PCDHA2: variants seen among roughly 807,000 people sequenced by gnomAD.
PCDHA2 encodes protocadherin alpha 2, also known as protocadherin alpha-2.
In PCDHA2, 58 loss-of-function variants were observed where a neutral mutation model predicts 66.0. That is an observed-to-expected ratio of 0.88 (90% CI 0.71 to 1.09). The LOEUF (loss-of-function observed/expected upper bound fraction) is 1.09, where lower values mean the gene tolerates loss of function less well. PCDHA2 is among the 50% of genes least tolerant of loss of function. The pLI is 0.00. For missense variants in PCDHA2, 1,267 were observed against 1,242.3 expected, an observed-to-expected ratio of 1.02 and a Z score of -0.30; for synonymous variants, 634 against 554.0, an observed-to-expected ratio of 1.14 and a Z score of -2.03.
intron 3 of PCDHA2, among the ~76,000 whole-genome samples, chr5:140,985,173 G>A (rs939430246): frequency 1.3e-5 from 2 of 152,154 alleles, no homozygotes; most frequent in Admixed American, 6.5e-5. Flanking sequence ...TCCTGACCTC[G>A]TAATCCGCCT....
intron 1 of PCDHA2, among the ~76,000 whole-genome samples, chr5:140,965,785 T>C (rs1315730975): frequency 1.3e-5 from 2 of 152,222 alleles, no homozygotes; most frequent in East Asian, 3.8e-4. Context: ...GCCTACAGCT[T>C]CATGGAGACT....
intron 1 of PCDHA2, among the ~76,000 whole-genome samples, chr5:140,910,282 T>C (rs557559116): frequency 1.3e-5 from 2 of 152,300 alleles, no homozygotes; most frequent in East Asian, 1.9e-4. Context: ...AGGAACACCA[T>C]GATTAATCAA....
At chr5:140,842,599 C>T (rs1460884024) in intron 1 of PCDHA2, 3 of 1,595,874 alleles carry the variant, frequency 1.9e-6, no homozygotes, top group African/African-American at 1.3e-5. Flanking sequence ...TGGTGGTAAC[C>T]GCGCGGGACG....
At chr5:140,807,303 C>T in intron 1 of PCDHA2, 1 of 1,614,160 alleles carries the variant, frequency 6.2e-7, no homozygotes, top group Non-Finnish European at 8.5e-7. Context: ...TCCGAGGAGG[C>T]CAAACACGGC....
At chr5:140,966,259 G>C (rs1358322921) in intron 1 of PCDHA2, 1 of 340,612 alleles carries the variant, frequency 2.9e-6, no homozygotes, top group Non-Finnish European at 5.3e-6. Context: ...AGACGGTGGA[G>C]ACTGGATGAA....
intron 1 of PCDHA2, among the ~76,000 whole-genome samples, chr5:140,831,643 G>T (rs2150109104): frequency 6.6e-6 from 1 of 151,354 alleles, no homozygotes; most frequent in South Asian, 2.1e-4. Context: ...GATTATAGGT[G>T]TGAGCCACTA....
At chr5:140,819,676 G>A (rs1766598888) in intron 1 of PCDHA2, among the ~76,000 whole-genome samples, 1 of 152,082 alleles carries the variant, frequency 6.6e-6, no homozygotes, top group Non-Finnish European at 1.5e-5. Flanking sequence ...GTTGATCACT[G>A]TAGCACAAAT....
Position 140,795,359 on chromosome 5 carries a change from T to C in PCDHA2, c.395T>C (p.Ile132Thr). The change falls in exon 1 of 4, where the codon ATA becomes ACA. Residue 132 changes from isoleucine (I) to threonine (T), a missense_variant. By Grantham distance (89) the Ile-to-Thr change is moderately conservative. Transcript: ENST00000526136. ...EVKDINDNPPIFPMTVKTIRF... is the reference protein window; with the variant it reads ...EVKDINDNPPTFPMTVKTIRF... Reference sequence around the variant, plus strand: ...AAGGACATTAACGACAACCCGCCAATATTTCCAATGACAGTAAAGACTATC... The same window carrying C: ...AAGGACATTAACGACAACCCGCCAACATTTCCAATGACAGTAAAGACTATC... 6.2e-7 allele frequency: 1 copy of C among 1,614,154 alleles called. No homozygotes were observed. Among genetic ancestry groups the C allele is most frequent in the Non-Finnish European group, 8.5e-7 (1 of 1,180,014 alleles).
At chr5:140,926,165 T>A (rs570168495) in intron 1 of PCDHA2, among the ~76,000 whole-genome samples, 31 of 151,794 alleles carry the variant, frequency 2.0e-4, no homozygotes, top group Admixed American at 1.5e-3. Flanking sequence ...TGCAGCAGGA[T>A]CCAGCGCGGA....
intron 3 of PCDHA2, among the ~76,000 whole-genome samples, chr5:140,992,799 A>T (rs577698123): frequency 6.6e-6 from 1 of 152,274 alleles, no homozygotes; most frequent in African/African-American, 2.4e-5. Flanking sequence ...TTATGGATCC[A>T]TATGTATCTA....
chr5:140,808,941 T>G (rs1554124905), intron 1 of PCDHA2: 1 of 1,613,526 alleles, frequency 6.2e-7, no homozygotes, highest in South Asian at 1.1e-5. Flanking sequence ...CCATGGTCGG[T>G]GGGTGTGGGC....
chr5:140,969,366 A>C (rs1554231734), intron 1 of PCDHA2: 1 of 1,609,828 alleles, frequency 6.2e-7, no homozygotes. Context: ...CTACAAACTC[A>C]TGCATTTGTT....
At chr5:140,964,771 A>C (rs2095853520) in intron 1 of PCDHA2, among the ~76,000 whole-genome samples, 1 of 152,022 alleles carries the variant, frequency 6.6e-6, no homozygotes, top group South Asian at 2.1e-4. Context: ...GGATGCAGAG[A>C]GAAGAGGAAG....
intron 3 of PCDHA2, among the ~76,000 whole-genome samples, chr5:140,986,213 C>G (rs1554247816): frequency 6.6e-6 from 1 of 152,208 alleles, no homozygotes. Context: ...TTACTGGCCC[C>G]TTTCTCTAGC....
At chr5:141,006,412 A>G (rs1423476125) in intron 3 of PCDHA2, among the ~76,000 whole-genome samples, 7 of 151,898 alleles carry the variant, frequency 4.6e-5, no homozygotes, top group African/African-American at 1.7e-4. Flanking sequence ...ACGCGGTTTC[A>G]CTGTGTTAGC....
intron 1 of PCDHA2, chr5:140,803,892 A>G (rs1273364244): frequency 3.7e-6 from 2 of 535,820 alleles, no homozygotes; most frequent in East Asian, 6.3e-5. Flanking sequence ...GATGAATTGC[A>G]TTATTTAGAG....
intron 1 of PCDHA2, chr5:140,836,080 T>G: frequency 6.2e-7 from 1 of 1,613,702 alleles, no homozygotes; most frequent in South Asian, 1.1e-5. Flanking sequence ...CCGGCACTGC[T>G]GGCGCCTCGG....
intron 1 of PCDHA2, chr5:140,805,665 T>C: frequency 1.2e-6 from 1 of 841,872 alleles, no homozygotes; most frequent in Non-Finnish European, 1.4e-6. Context: ...TCCCCATTAA[T>C]ACCCAGGATG....
Position 140,797,311 on chromosome 5 carries a change from G to A in PCDHA2, c.2347G>A (p.Ala783Thr), listed in dbSNP as rs1554120396. 5 of 1,614,198 alleles carry A rather than the reference G, an allele frequency of 3.1e-6. No homozygotes were observed. Among genetic ancestry groups the A allele is most frequent in the Non-Finnish European group, 4.2e-6 (5 of 1,180,038 alleles). ...TAGCTTATCTCAAGGTCCAGACTCC[G>A]CAGAAGAGAAACAGCTCTCAGAATC... is the stretch of plus-strand genomic sequence containing the variant. ...SPSLSQGPDS[A>T]EEKQLSESEY... Residue 783 changes from alanine (A) to threonine (T), a missense_variant, in exon 1 of 4, where the codon GCA (alanine) becomes ACA (threonine). By Grantham distance (58) the Ala-to-Thr change is moderately conservative. Transcript: ENST00000526136.
Sources: gnomAD v4.1 joint callset for allele counts (sites outside exome capture counted in the v4.1 genomes callset) on GRCh38, gnomAD v4.1.1 for gene constraint, MANE v1.5 for transcripts, NCBI Gene and HGNC (gene_info 2026-07-23, HGNC 2026-07-21) for gene names.